Variants in CTNNA3 observed in about 807,000 individuals in gnomAD.
CTNNA3 encodes the protein catenin alpha 3.
A neutral mutation model predicts 95.7 loss-of-function variants in CTNNA3; 76 were observed. The observed-to-expected ratio is 0.79, with a 90% CI of 0.66 to 0.96. The LOEUF (loss-of-function observed/expected upper bound fraction) is 0.96. Ranked by LOEUF, CTNNA3 falls within the 40% of genes least tolerant of loss-of-function variation. The pLI is 0.00. For synonymous variants in CTNNA3, 431 were observed against 374.4 expected (o/e 1.15, Z -1.74); for missense variants, 1,191 against 1,089.8 (o/e 1.09, Z -1.31).
chr10:67,084,590 A>G lies in CTNNA3; in HGVS notation c.1047+95727T>C, dbSNP rs370755999. 1.1e-3 allele frequency among the ~76,000 whole-genome samples: 173 copies of G among 152,064 alleles called. 5 individuals carry two copies. The South Asian group carries it at 0.014, about 13-fold the overall frequency. On this transcript the variant is annotated intron_variant, in intron 7 of 17. Coordinates refer to ENST00000433211, the MANE Select transcript of CTNNA3 (RefSeq NM_013266.4). ...GATCCTACATTAGATTTCCTTAACC[A>G]TATATTTTTACAAGATTCATGATCA...
intron 12 of CTNNA3, among the ~76,000 whole-genome samples, chr10:66,354,068 A>G (rs2092588237): frequency 6.6e-6 from 1 of 152,066 alleles, no homozygotes; most frequent in African/African-American, 2.4e-5. Flanking sequence ...AGATAGCCTG[A>G]TGTCAGGAGG....
chr10:67,128,287 C>A lies in CTNNA3; in HGVS notation c.1047+52030G>T, dbSNP rs141505212. 4.3e-3 allele frequency among the ~76,000 whole-genome samples: 660 copies of A among 152,072 alleles called. 3 individuals are homozygous for A. The highest frequency in any genetic ancestry group is 0.015 in the African/African-American group (632 of 41,514). Reference sequence around the variant, plus strand: ...TCAGTTTATAATTTTAAATGTTAATCTTATCTAAAAAAGATTATTCCAAAA... The same window carrying A: ...TCAGTTTATAATTTTAAATGTTAATATTATCTAAAAAAGATTATTCCAAAA... On this transcript the variant is annotated intron_variant, in intron 7 of 17. Transcript: ENST00000433211.
At chr10:66,829,395 T>C (rs1016084579) in intron 7 of CTNNA3, among the ~76,000 whole-genome samples, 8 of 152,040 alleles carry the variant, frequency 5.3e-5, no homozygotes, top group African/African-American at 9.7e-5. Flanking sequence ...CAGATCACTT[T>C]AGGTCAGGAG....
At chr10:66,421,611 G>A (rs961978302) in intron 11 of CTNNA3, among the ~76,000 whole-genome samples, 2 of 151,746 alleles carry the variant, frequency 1.3e-5, no homozygotes, top group Non-Finnish European at 2.9e-5. Context: ...TTGGGAGGCA[G>A]ATAATGAGGT....
chr10:65,940,286 AT>A (rs1371138450), intron 17 of CTNNA3, among the ~76,000 whole-genome samples: 13 of 152,308 alleles, frequency 8.5e-5, no homozygotes, highest in African/African-American at 2.6e-4. Flanking sequence ...ACAGTTGGGA[AT>A]TTGGCAGATA....
At chr10:67,371,525 C>T (rs1488868990) in intron 5 of CTNNA3, among the ~76,000 whole-genome samples, 2 of 151,996 alleles carry the variant, frequency 1.3e-5, no homozygotes, top group African/African-American at 4.8e-5. Flanking sequence ...TGATAGTTTC[C>T]AGCATCATCG....
chr10:66,324,988 G>A (rs2092236915), intron 12 of CTNNA3, among the ~76,000 whole-genome samples: 1 of 151,868 alleles, frequency 6.6e-6, no homozygotes, highest in Non-Finnish European at 1.5e-5. Flanking sequence ...TTCCTCAGCT[G>A]TGGAGAGAGG....
At chr10:66,162,618 G>C (rs2084911376) in intron 13 of CTNNA3, among the ~76,000 whole-genome samples, 3 of 152,114 alleles carry the variant, frequency 2.0e-5, no homozygotes, top group Admixed American at 2.0e-4. Context: ...TGCTGGGTCG[G>C]GGGGTGCTAT....
intron 15 of CTNNA3, among the ~76,000 whole-genome samples, chr10:66,036,543 T>A (rs899946157): frequency 1.3e-5 from 2 of 151,838 alleles, no homozygotes; most frequent in Non-Finnish European, 2.9e-5. Context: ...CCCTGCTAAT[T>A]TTTTGTATTT....
intron 3 of CTNNA3, among the ~76,000 whole-genome samples, chr10:67,600,539 C>G (rs1843054277): frequency 6.6e-6 from 1 of 152,136 alleles, no homozygotes; most frequent in Admixed American, 6.5e-5. Context: ...CCACTACATA[C>G]ATTTGAATTA....
intron 7 of CTNNA3, among the ~76,000 whole-genome samples, chr10:67,020,617 T>C (rs1484850067): frequency 6.6e-6 from 1 of 152,218 alleles, no homozygotes; most frequent in African/African-American, 2.4e-5. Context: ...AATCAAAGAT[T>C]GCTTAAGGAC....
rs115561104 is a variant in CTNNA3 at position 67,517,185 on chromosome 10, C to T, written c.579+4657G>A. Reference sequence around the variant, plus strand: ...TTTTTAGCAACCTCTATACTTTTTCCGAAATGACTGTACCAATTTACATTC... The same window carrying T: ...TTTTTAGCAACCTCTATACTTTTTCTGAAATGACTGTACCAATTTACATTC... On this transcript the variant is annotated intron_variant, in intron 5 of 17. Transcript: ENST00000433211. 3.4e-3 allele frequency among the ~76,000 whole-genome samples: 520 copies of T among 152,032 alleles called. 7 individuals carry two copies. The highest frequency in any genetic ancestry group is 0.012 in the African/African-American group (497 of 41,502).
At chr10:66,062,587 A>T (rs1371772961) in intron 15 of CTNNA3, among the ~76,000 whole-genome samples, 1 of 152,198 alleles carries the variant, frequency 6.6e-6, no homozygotes, top group Non-Finnish European at 1.5e-5. Flanking sequence ...AATAAAATAG[A>T]AGTAAAGAAC....
At chr10:67,097,172 T>C (rs1858049529) in intron 7 of CTNNA3, among the ~76,000 whole-genome samples, 1 of 151,820 alleles carries the variant, frequency 6.6e-6, no homozygotes, top group Non-Finnish European at 1.5e-5. Flanking sequence ...AATGCTAAAG[T>C]TTGAGAATCA....
At chr10:66,199,170 G>C (rs560077278) in intron 13 of CTNNA3, among the ~76,000 whole-genome samples, 2 of 152,094 alleles carry the variant, frequency 1.3e-5, no homozygotes, top group East Asian at 3.9e-4. Flanking sequence ...CTCGGAGGAG[G>C]CTGGATTCAA....
At chr10:67,712,524 G>A (rs899944166) in intron 1 of CTNNA3, among the ~76,000 whole-genome samples, 1 of 152,224 alleles carries the variant, frequency 6.6e-6, no homozygotes, top group Non-Finnish European at 1.5e-5. Context: ...TTGTGTCCCA[G>A]CTGCTCCAGC....
intron 1 of CTNNA3, among the ~76,000 whole-genome samples, chr10:67,735,780 A>G (rs1841299419): frequency 6.6e-6 from 1 of 152,216 alleles, no homozygotes. Flanking sequence ...TAGAATTACC[A>G]TACAACCCAG....
intron 10 of CTNNA3, among the ~76,000 whole-genome samples, chr10:66,614,634 T>C (rs1338598935): frequency 6.6e-6 from 1 of 152,054 alleles, no homozygotes; most frequent in Admixed American, 6.6e-5. Flanking sequence ...ATTATCTCTT[T>C]ATACCCAACC....
intron 15 of CTNNA3, among the ~76,000 whole-genome samples, chr10:66,058,423 T>A (rs1403503555): frequency 6.6e-6 from 1 of 152,202 alleles, no homozygotes; most frequent in Non-Finnish European, 1.5e-5. Flanking sequence ...CCCAACCTAG[T>A]TCTTCATCCA....
Sources: allele counts gnomAD v4.1 joint callset (sites outside exome capture counted in the v4.1 genomes callset), GRCh38; gene constraint gnomAD v4.1.1; transcripts MANE v1.5; gene names NCBI Gene and HGNC (gene_info 2026-07-23, HGNC 2026-07-21).